Variants in ADCY8 observed in about 807,000 individuals in gnomAD.
ADCY8 encodes the protein adenylate cyclase type 8.
In ADCY8, 51 loss-of-function variants were observed where a neutral mutation model predicts 119.7. The observed-to-expected ratio is 0.43, with a 90% CI of 0.34 to 0.54. ADCY8 has a LOEUF of 0.54. Ranked by LOEUF, ADCY8 falls within the 20% of genes least tolerant of loss-of-function variation. The pLI is 0.03. For missense variants in ADCY8, 1,383 were observed against 1,598.8 expected (o/e 0.87, Z 2.30); for synonymous variants, 665 against 651.0 (o/e 1.02, Z -0.33).
chr8:130,968,294 T>A (rs1821823397), intron 2 of ADCY8, among the ~76,000 whole-genome samples: 2 of 151,960 alleles, frequency 1.3e-5, no homozygotes, highest in Admixed American at 1.3e-4. Flanking sequence ...CTCAGCCTCC[T>A]GAGTAGCTGG....
intron 1 of ADCY8, among the ~76,000 whole-genome samples, chr8:131,008,667 G>T (rs555183471): frequency 6.0e-4 from 92 of 152,310 alleles, no homozygotes; most frequent in Middle Eastern, 3.4e-3. Flanking sequence ...ACTCAAAAAT[G>T]TGGACGTGAC....
chr8:130,900,898 C>G (rs1204790411), intron 7 of ADCY8, among the ~76,000 whole-genome samples: 1 of 152,132 alleles, frequency 6.6e-6, no homozygotes, highest in East Asian at 1.9e-4. Context: ...TGGATTTTTC[C>G]CAGACACTTC....
At chr8:130,828,974 C>G (rs894965052) in intron 12 of ADCY8, among the ~76,000 whole-genome samples, 2 of 152,196 alleles carry the variant, frequency 1.3e-5, no homozygotes, top group African/African-American at 4.8e-5. Context: ...CACGTAGTCT[C>G]TCCTGAGATC....
Position 130,990,477 on chromosome 8 carries a change from T to C in ADCY8, c.1026A>G (p.Ser342=). The change falls in exon 2 of 18, where the codon TCA becomes TCG. Residue 342 remains serine, a synonymous_variant. Coordinates refer to ENST00000286355, the MANE Select transcript of ADCY8 (RefSeq NM_001115.3). ...GGAAAGCTTGGCGCTGGGCCCGGTC[T>C]GACAGGTAACTGATGAAGATTCCAG... is the stretch of plus-strand genomic sequence containing the variant. ...NTAGIFISYL[S]DRAQRQAFLE... 1.2e-6 allele frequency: 2 copies of C among 1,614,216 alleles called. No individual in the cohort carries two copies. The highest frequency in any genetic ancestry group is 1.7e-6 in the Non-Finnish European group (2 of 1,180,018).
chr8:130,926,039 T>C (rs746756180), intron 5 of ADCY8, among the ~76,000 whole-genome samples: 18 of 152,224 alleles, frequency 1.2e-4, no homozygotes, highest in Admixed American at 3.3e-4. Flanking sequence ...TGACTTTTCA[T>C]TGCCTGAGGG....
chr8:130,841,796 T>C (rs904774648), intron 11 of ADCY8, among the ~76,000 whole-genome samples: 2 of 152,244 alleles, frequency 1.3e-5, no homozygotes, highest in African/African-American at 4.8e-5. Context: ...AAAGTCACTA[T>C]AGTTTAAAGA....
chr8:130,900,752 CA>C (rs1488796282), intron 7 of ADCY8, among the ~76,000 whole-genome samples: 3 of 152,234 alleles, frequency 2.0e-5, no homozygotes, highest in Non-Finnish European at 2.9e-5. Flanking sequence ...CTTAATTTTA[CA>C]GATTCTCAAC....
intron 2 of ADCY8, among the ~76,000 whole-genome samples, chr8:130,989,805 T>C (rs1048651767): frequency 4.6e-5 from 7 of 152,230 alleles, no homozygotes; most frequent in Non-Finnish European, 1.0e-4. Context: ...CCAATCAGGA[T>C]GTCCAAAAAA....
At chr8:131,005,350 C>A (rs1823082232) in intron 1 of ADCY8, among the ~76,000 whole-genome samples, 2 of 152,152 alleles carry the variant, frequency 1.3e-5, no homozygotes, top group Admixed American at 1.3e-4. Flanking sequence ...CAGGCTGCCT[C>A]CATACTAAAG....
At chr8:130,950,525 G>T (rs929243828) in intron 3 of ADCY8, among the ~76,000 whole-genome samples, 1 of 152,180 alleles carries the variant, frequency 6.6e-6, no homozygotes, top group Admixed American at 6.5e-5. Flanking sequence ...GATTGCACAA[G>T]CAATGGACTG....
chr8:130,943,769 T>C (rs966357567), intron 3 of ADCY8, among the ~76,000 whole-genome samples: 1 of 152,228 alleles, frequency 6.6e-6, no homozygotes, highest in African/African-American at 2.4e-5. Context: ...ATCAATTTCT[T>C]GTGAAAAGCA....
At chr8:130,859,328 A>G (rs1257520558) in intron 9 of ADCY8, among the ~76,000 whole-genome samples, 1 of 152,172 alleles carries the variant, frequency 6.6e-6, no homozygotes, top group Non-Finnish European at 1.5e-5. Flanking sequence ...TTGCATGTAA[A>G]CTTCCATTCC....
intron 9 of ADCY8, among the ~76,000 whole-genome samples, chr8:130,854,811 C>CTCCCTCCG (rs1817657099): frequency 9.2e-6 from 1 of 108,346 alleles, no homozygotes; most frequent in African/African-American, 4.4e-5. Flanking sequence ...CCGTCCCTCC[C>CTCCCTCCG]TCCCTCCCTC....
chr8:131,000,943 C>G (rs1822926384), intron 1 of ADCY8, among the ~76,000 whole-genome samples: 1 of 152,032 alleles, frequency 6.6e-6, no homozygotes, highest in Admixed American at 6.6e-5. Flanking sequence ...CCACCTAAGG[C>G]AGGGAAAGGG....
At chr8:130,901,151 A>G (rs1244356957) in intron 7 of ADCY8, among the ~76,000 whole-genome samples, 1 of 152,092 alleles carries the variant, frequency 6.6e-6, no homozygotes, top group Non-Finnish European at 1.5e-5. Context: ...AAATTGTGGT[A>G]AGTGAAACGG....
chr8:130,941,726 C>T (rs554202774), intron 4 of ADCY8, among the ~76,000 whole-genome samples: 54 of 152,212 alleles, frequency 3.5e-4, no homozygotes, highest in African/African-American at 1.3e-3. Flanking sequence ...CTTGACAAGT[C>T]CCTGCCTGTC....
At chr8:130,916,631 A>G (rs571224933) in intron 5 of ADCY8, among the ~76,000 whole-genome samples, 1 of 152,340 alleles carries the variant, frequency 6.6e-6, no homozygotes, top group South Asian at 2.1e-4. Flanking sequence ...GTTTACGGGA[A>G]TGAGGGCAAG....
Position 130,934,723 on chromosome 8 carries a change from T to C in ADCY8, c.1481+2350A>G, listed in dbSNP as rs1453609722. ...AAAGGGAACTCTGTGTTGGAACCCA[T>C]AGATTCCTCTCTCCATAGTTCCTAA... On this transcript the variant is annotated intron_variant, in intron 5 of 17. Coordinates refer to ENST00000286355, the MANE Select transcript of ADCY8 (RefSeq NM_001115.3). 2.0e-5 allele frequency among the ~76,000 whole-genome samples: 3 copies of C among 152,214 alleles called. No individual in the cohort carries two copies. In the East Asian group the frequency reaches 5.8e-4, roughly 29 times the overall value.
chr8:130,795,274 C>T (rs1463556227), intron 15 of ADCY8, among the ~76,000 whole-genome samples: 1 of 152,160 alleles, frequency 6.6e-6, no homozygotes, highest in Admixed American at 6.5e-5. Flanking sequence ...AATAATGTGT[C>T]CCAAGGTCCC....
Sources: gnomAD v4.1 joint callset for allele counts (sites outside exome capture counted in the v4.1 genomes callset) on GRCh38, gnomAD v4.1.1 for gene constraint, MANE v1.5 for transcripts, NCBI Gene and HGNC (gene_info 2026-07-23, HGNC 2026-07-21) for gene names.